The following SPHKAP variants were observed in gnomAD, a reference collection of about 807,000 sequenced individuals.
SPHKAP encodes A-kinase anchor protein SPHKAP.
Under a neutral mutation model 137.5 loss-of-function variants are expected in SPHKAP, and 67 were observed. The observed-to-expected ratio is 0.49, with a 90% CI of 0.40 to 0.60. SPHKAP has a LOEUF of 0.60. Ranked by LOEUF, SPHKAP falls within the 20% of genes least tolerant of loss-of-function variation. The pLI is 0.00. For synonymous variants in SPHKAP, 813 were observed against 785.3 expected, an observed-to-expected ratio of 1.04 and a Z score of -0.59; for missense variants, 2,097 against 2,069.3, an observed-to-expected ratio of 1.01 and a Z score of -0.26.
chr2:228,001,542 T>C (rs1177105550), intron 7 of SPHKAP, among the ~76,000 whole-genome samples: 2 of 145,284 alleles, frequency 1.4e-5, no homozygotes, highest in African/African-American at 2.5e-5. Flanking sequence ...TATATAAAAA[T>C]ATACATATAT....
At chr2:228,056,246 G>C (rs1696439672) in intron 3 of SPHKAP, among the ~76,000 whole-genome samples, 1 of 152,192 alleles carries the variant, frequency 6.6e-6, no homozygotes, top group African/African-American at 2.4e-5. Flanking sequence ...GAGGGGCCAT[G>C]GTCTGTCGCT....
rs752882058 is a variant in SPHKAP at position 228,105,679 on chromosome 2, C to T, written c.246+3153G>A. The stretch of plus-strand genomic sequence containing the variant: ...AATTGAATCATGGGGGTGGTTTCCC[C>T]CATACTGTTCCGGTGACGGTGACTA... On this transcript the variant is annotated intron_variant, in intron 3 of 11. Coordinates refer to ENST00000392056, the MANE Select transcript of SPHKAP (RefSeq NM_001142644.2). Among the ~76,000 whole-genome samples, 3 of 152,108 alleles carry T rather than the reference C, an allele frequency of 2.0e-5. 1 individual carries two copies. The highest frequency in any genetic ancestry group is 4.1e-4 in the South Asian group (2 of 4,824).
chr2:228,089,183 A>C (rs182700057), intron 3 of SPHKAP, among the ~76,000 whole-genome samples: 336 of 152,334 alleles, frequency 2.2e-3, no homozygotes, highest in Non-Finnish European at 3.7e-3. Context: ...AGGAGGCCTC[A>C]GATGCAAATA....
At chr2:228,079,419 C>A (rs1191053969) in intron 3 of SPHKAP, among the ~76,000 whole-genome samples, 2 of 152,172 alleles carry the variant, frequency 1.3e-5, no homozygotes, top group Non-Finnish European at 2.9e-5. Context: ...GCGCCTATGG[C>A]CCCAGGCTTC....
At position 228,090,292 on chromosome 2, in the gene SPHKAP, T is replaced by G. The variant is rs150376418; in HGVS notation, c.246+18540A>C. Among the ~76,000 whole-genome samples the G allele has an allele frequency of 1.6e-3, 245 of 152,334 alleles. 1 individual carries two copies. The highest frequency in any genetic ancestry group is 5.8e-3 in the African/African-American group (241 of 41,580). ...GGATTCAGACTTACATGAGGCCTAT[T>G]ACCCCCTTCTTTTGGACAATTTCTC... On this transcript the variant is annotated intron_variant, in intron 3 of 11. Transcript: ENST00000392056.
intron 3 of SPHKAP, among the ~76,000 whole-genome samples, chr2:228,082,706 T>C (rs756701044): frequency 3.3e-5 from 5 of 152,184 alleles, no homozygotes; most frequent in Non-Finnish European, 7.3e-5. Flanking sequence ...GGGTGGATTA[T>C]TCTTGGCTCC....
At chr2:228,039,695 G>A (rs1001094391) in intron 3 of SPHKAP, among the ~76,000 whole-genome samples, 6 of 152,130 alleles carry the variant, frequency 3.9e-5, no homozygotes, top group Non-Finnish European at 8.8e-5. Context: ...CTTTTGCGAG[G>A]CAACTGTATT....
chr2:228,040,161 T>C (rs1361163224), intron 3 of SPHKAP, among the ~76,000 whole-genome samples: 1 of 152,238 alleles, frequency 6.6e-6, no homozygotes, highest in African/African-American at 2.4e-5. Flanking sequence ...AAATATTTAC[T>C]AACAGTTTTT....
chr2:228,126,830 G>A (rs1318133053), intron 2 of SPHKAP, among the ~76,000 whole-genome samples: 3 of 152,162 alleles, frequency 2.0e-5, no homozygotes, highest in East Asian at 1.9e-4. Context: ...ATACTGCAGA[G>A]GAAATTTGAG....
chr2:228,072,286 C>T (rs1467685132), intron 3 of SPHKAP, among the ~76,000 whole-genome samples: 1 of 152,096 alleles, frequency 6.6e-6, no homozygotes, highest in African/African-American at 2.4e-5. Context: ...CACATGAATT[C>T]ATTGAATAAG....
chr2:228,094,716 G>C (rs1011826422), intron 3 of SPHKAP, among the ~76,000 whole-genome samples: 23 of 152,116 alleles, frequency 1.5e-4, no homozygotes, highest in African/African-American at 5.3e-4. Context: ...TCTTGAATTA[G>C]ATACTAGATT....
At position 227,993,564 on chromosome 2, in the gene SPHKAP, T is replaced by C; in HGVS notation, c.4691A>G (p.Gln1564Arg). The C allele has an allele frequency of 6.2e-7, 1 of 1,604,670 alleles. No homozygotes were observed. The change falls in exon 9 of 12, where the codon CAG (glutamine) becomes CGG (arginine). Residue 1564 changes from glutamine (Q) to arginine (R), a missense_variant. Coordinates refer to ENST00000392056, the MANE Select transcript of SPHKAP (RefSeq NM_001142644.2). ...SLGIMDLDIY[Q>R]ESMPSSPMIN... ...CATGGGAGAAGATGGCATGCTTTCC[T>C]GATAAATGTCCAGATCCATAATGCC...
chr2:228,154,643 G>T (rs1415264602), intron 1 of SPHKAP, among the ~76,000 whole-genome samples: 1 of 136,484 alleles, frequency 7.3e-6, no homozygotes, highest in East Asian at 2.3e-4. Context: ...CTACCTCCCA[G>T]GTTCACGCCA....
intron 1 of SPHKAP, among the ~76,000 whole-genome samples, chr2:228,177,741 T>C (rs1337154067): frequency 1.3e-5 from 2 of 152,154 alleles, no homozygotes; most frequent in East Asian, 3.9e-4. Context: ...TGAGTTTTAG[T>C]GAAATGTGTC....
chr2:228,017,921 G>T lies in SPHKAP; in HGVS notation c.2933C>A (p.Ser978Tyr). The T allele has an allele frequency of 6.2e-7, 1 of 1,614,116 alleles. No homozygotes were observed. Among genetic ancestry groups the T allele is most frequent in the South Asian group, 1.1e-5 (1 of 91,078 alleles). The change falls in exon 7 of 12, where the codon TCC becomes TAC. Residue 978 changes from serine (S) to tyrosine (Y), a missense_variant. Physicochemically the swap from Ser to Tyr is moderately radical, Grantham distance 144 (BLOSUM62 -2). Coordinates refer to ENST00000392056, the MANE Select transcript of SPHKAP (RefSeq NM_001142644.2). The stretch of plus-strand genomic sequence containing the variant: ...CTGGCTCTCTTTCTTCCTCTTCAAG[G>T]ATCGGCAGGGTACGTTGGGTGTCAT... Reference protein sequence around the residue: ...FLMTPNVPCRSLKRKKESQGS... With the variant: ...FLMTPNVPCRYLKRKKESQGS...
Position 228,018,078 on chromosome 2 carries a change from T to C in SPHKAP, c.2776A>G (p.Ile926Val), listed in dbSNP as rs1354689331. The change falls in exon 7 of 12, where the codon ATT becomes GTT. Residue 926 changes from isoleucine (I) to valine (V), a missense_variant. Physicochemically the swap from Ile to Val is conservative, Grantham distance 29 (BLOSUM62 3). Coordinates refer to ENST00000392056, the MANE Select transcript of SPHKAP (RefSeq NM_001142644.2). Reference protein sequence around the residue: ...LQTKHPDIYCITDFAEELADT... With the variant: ...LQTKHPDIYCVTDFAEELADT... ...GCTAATTCTTCCGCAAAGTCTGTAA[T>C]GCAGTAGATGTCTGGATGCTTTGTT... 3.1e-6 allele frequency: 5 copies of C among 1,614,184 alleles called. No individual in the cohort carries two copies. Among genetic ancestry groups the C allele is most frequent in the Non-Finnish European group, 4.2e-6 (5 of 1,180,032 alleles).
chr2:228,011,738 C>T lies in SPHKAP; in HGVS notation c.4448+4668G>A, dbSNP rs112883944. 4.0e-3 allele frequency among the ~76,000 whole-genome samples: 616 copies of T among 152,136 alleles called. 4 individuals are homozygous for T. Among genetic ancestry groups the T allele is most frequent in the African/African-American group, 0.014 (567 of 41,492 alleles). On this transcript the variant is annotated intron_variant, in intron 7 of 11. Coordinates refer to ENST00000392056, the MANE Select transcript of SPHKAP (RefSeq NM_001142644.2). The stretch of plus-strand genomic sequence containing the variant: ...ATTGACAGTAATTGTATCTATTATA[C>T]GGGGTATACTGTGATGTTTTCATAT...
intron 11 of SPHKAP, among the ~76,000 whole-genome samples, chr2:227,986,557 A>G (rs1294081546): frequency 6.6e-6 from 1 of 152,190 alleles, no homozygotes; most frequent in Non-Finnish European, 1.5e-5. Flanking sequence ...CTGTTCCCCA[A>G]AAACCTATGG....
intron 3 of SPHKAP, among the ~76,000 whole-genome samples, chr2:228,035,514 A>C (rs1695552375): frequency 6.6e-6 from 1 of 152,206 alleles, no homozygotes; most frequent in Non-Finnish European, 1.5e-5. Context: ...CTTTCTTCAC[A>C]GAATTGGAAA....
Sources: allele counts gnomAD v4.1 joint callset (sites outside exome capture counted in the v4.1 genomes callset), GRCh38; gene constraint gnomAD v4.1.1; transcripts MANE v1.5; gene names NCBI Gene and HGNC (gene_info 2026-07-23, HGNC 2026-07-21).